Variants in LAMA1 observed in about 807,000 individuals in gnomAD.
LAMA1 encodes laminin subunit alpha 1.
LAMA1 carries 219 observed loss-of-function variants against 348.7 expected under a neutral mutation model. The ratio of observed to expected loss-of-function variants is 0.63; its 90% CI spans 0.56 to 0.70. The LOEUF (loss-of-function observed/expected upper bound fraction) is 0.70, where lower values mean the gene tolerates loss of function less well. Among genes scored for constraint, LAMA1 ranks in the 30% least tolerant of loss-of-function variants. The pLI, the probability that LAMA1 is intolerant of heterozygous loss-of-function variation, is 0.00. For missense variants in LAMA1, 3,744 were observed against 3,888.0 expected (o/e 0.96, Z 0.99); for synonymous variants, 1,487 against 1,491.0 (o/e 1.00, Z 0.06).
chr18:7,009,698 A>G (rs2057850546), intron 26 of LAMA1, among the ~76,000 whole-genome samples: 1 of 152,230 alleles, frequency 6.6e-6, no homozygotes, highest in African/African-American at 2.4e-5. Flanking sequence ...TAGTACGCCA[A>G]GATAAAGAAT....
At chr18:7,040,642 A>G (rs889232830) in intron 9 of LAMA1, among the ~76,000 whole-genome samples, 2 of 152,226 alleles carry the variant, frequency 1.3e-5, no homozygotes, top group East Asian at 1.9e-4. Flanking sequence ...AGATCCAGCA[A>G]CTGCACTCCT....
At chr18:7,048,850 G>A (rs1279095119) in intron 5 of LAMA1, among the ~76,000 whole-genome samples, 1 of 152,078 alleles carries the variant, frequency 6.6e-6, no homozygotes, top group Non-Finnish European at 1.5e-5. Flanking sequence ...GGCACTATGG[G>A]GACGGGGTGG....
At chr18:7,037,925 T>C (rs921552474) in intron 11 of LAMA1, among the ~76,000 whole-genome samples, 174 bp from the exon 12 acceptor site, 1 of 152,026 alleles carries the variant, frequency 6.6e-6, no homozygotes, top group Non-Finnish European at 1.5e-5. Flanking sequence ...CTTCCACTTG[T>C]AAAGGACCAG....
Position 7,007,296 on chromosome 18 carries a change from A to T in LAMA1, c.4123-20T>A, listed in dbSNP as rs757473317. ...GCAGTCCTGAGGGGGTGCAAAAGGG[A>T]GGACAAAAAAGTCTGATTAATGAGT... On this transcript the variant is annotated intron_variant, in intron 28 of 62. Transcript: ENST00000389658. The T allele has an allele frequency of 2.6e-5, 42 of 1,609,944 alleles. No individual in the cohort carries two copies. The South Asian group carries it at 4.5e-4, about 17-fold the overall frequency.
At chr18:7,050,042 T>C (rs886734767) in intron 4 of LAMA1, among the ~76,000 whole-genome samples, 2 of 152,200 alleles carry the variant, frequency 1.3e-5, no homozygotes, top group Non-Finnish European at 2.9e-5. Flanking sequence ...ACAACTTCTC[T>C]GAAGCAAATT....
intron 42 of LAMA1, among the ~76,000 whole-genome samples, chr18:6,979,762 G>GCA (rs1356711651): frequency 0.02 from 2,984 of 151,794 alleles, 54 homozygotes; most frequent in Non-Finnish European, 0.031. Flanking sequence ...AGCCGGGGAC[G>GCA]GTGGCGGGCG....
chr18:6,977,865 T>C lies in LAMA1; in HGVS notation c.6207A>G (p.Arg2069=), dbSNP rs1226996585. The part of the protein sequence containing the change: ...DSTMATLLAG[R]KVKDVEIQAN... ...CTTGAATTTCCACGTCTTTGACTTTTCTTCCAGCCAACAGAGCTAACAAAT... is the reference window on the plus strand; with the variant it reads ...CTTGAATTTCCACGTCTTTGACTTTCCTTCCAGCCAACAGAGCTAACAAAT... The change falls in exon 44 of 63, where the codon AGA becomes AGG. Residue 2069 remains arginine, a synonymous_variant. Coordinates refer to ENST00000389658, the MANE Select transcript of LAMA1 (RefSeq NM_005559.4). 1.9e-6 allele frequency: 3 copies of C among 1,612,816 alleles called. No individual in the cohort carries two copies. Among genetic ancestry groups the C allele is most frequent in the African/African-American group, 2.7e-5 (2 of 74,934 alleles).
intron 13 of LAMA1, 39 bp downstream of exon 13, chr18:7,035,948 C>T (rs2057992495): frequency 1.3e-6 from 2 of 1,511,606 alleles, no homozygotes; most frequent in South Asian, 1.1e-5. Flanking sequence ...GCCCACTAAG[C>T]CCTAAGCTCT....
intron 40 of LAMA1, 99 bp from the exon 41 acceptor site, chr18:6,982,689 T>G: frequency 1.0e-6 from 1 of 992,254 alleles, no homozygotes; most frequent in Non-Finnish European, 1.6e-6. Context: ...CCCAGACACA[T>G]TCCCAGCAAG....
intron 16 of LAMA1, among the ~76,000 whole-genome samples, chr18:7,027,492 T>A (rs1457697039): frequency 6.6e-6 from 1 of 151,042 alleles, no homozygotes; most frequent in Non-Finnish European, 1.5e-5. Flanking sequence ...AATAAAGAGC[T>A]GGGTTTTTTT....
rs759361168 is a variant in LAMA1, at chr18:6,992,682, C to T, written c.5047G>A (p.Glu1683Lys). 1.4e-5 allele frequency: 22 copies of T among 1,613,564 alleles called. No homozygotes were observed. Among genetic ancestry groups the T allele is most frequent in the Non-Finnish European group, 1.8e-5 (21 of 1,179,434 alleles). ...GTAGAATTGGGTAGTAGGAAATCTT[C>T]ATCCAAAGTCTGATTTAAAGTTGTC... ...EKTTLNQTLD[E>K]DFLLPNSTLQ... The change falls in exon 36 of 63, where the codon GAA becomes AAA. Residue 1683 changes from glutamate to lysine, a missense_variant. By Grantham distance (56) the Glu-to-Lys change is moderately conservative. Coordinates refer to ENST00000389658, the MANE Select transcript of LAMA1 (RefSeq NM_005559.4).
chr18:7,093,801 A>G (rs927182399), intron 1 of LAMA1, among the ~76,000 whole-genome samples: 3 of 140,882 alleles, frequency 2.1e-5, no homozygotes, highest in African/African-American at 5.4e-5. Flanking sequence ...TTTTCAGACA[A>G]TCTCTCTCTG....
At position 6,997,760 on chromosome 18, in the gene LAMA1, AT is replaced by A. The variant is rs1317571816; in HGVS notation, c.4787del (p.Asn1596IlefsTer11). ...TACCTACCTGGAGATATTTAGTTGT[AT>A]TTTCCAGGTTTGACAAAATTCCATA... ...VPYGILSNLE[N>X]TTKYLQESLL... is the part of the protein sequence containing the mutation. On this transcript the variant is annotated frameshift_variant, in exon 33 of 63. Transcript: ENST00000389658. LOFTEE classifies it high-confidence loss of function. The A allele has an allele frequency of 6.2e-7, 1 of 1,613,872 alleles. No homozygotes were observed.
chr18:7,037,468 A>C, intron 12 of LAMA1, 110 bp downstream of exon 12: 1 of 1,225,606 alleles, frequency 8.2e-7, no homozygotes, highest in Non-Finnish European at 1.2e-6. Context: ...AATGCTGTCC[A>C]ACACTCAGGT....
intron 47 of LAMA1, 37 bp from the exon 48 acceptor site, chr18:6,972,018 A>G: frequency 6.2e-7 from 1 of 1,610,512 alleles, no homozygotes; most frequent in African/African-American, 1.3e-5. Context: ...ACCAATATAT[A>G]AGCTGACCAA....
intron 3 of LAMA1, among the ~76,000 whole-genome samples, chr18:7,063,087 C>T (rs1341736168): frequency 1.3e-5 from 2 of 152,220 alleles, no homozygotes; most frequent in African/African-American, 4.8e-5. Flanking sequence ...TATACATTTA[C>T]AACACCCAGA....
At chr18:6,976,588 A>ACAAT (rs751868026) in intron 44 of LAMA1, among the ~76,000 whole-genome samples, 1,509 of 148,302 alleles carry the variant, frequency 0.01, 22 homozygotes, top group African/African-American at 0.03. Flanking sequence ...CCTTGGGCTT[A>ACAAT]TATTTATTTA....
chr18:7,095,495 C>T (rs770347071), intron 1 of LAMA1, among the ~76,000 whole-genome samples: 6 of 152,218 alleles, frequency 3.9e-5, no homozygotes, highest in Admixed American at 1.3e-4. Flanking sequence ...CAGGAGCCCT[C>T]CCCTTCCTGT....
chr18:6,985,827 C>G (rs1246290323), intron 37 of LAMA1, among the ~76,000 whole-genome samples, 184 bp from the exon 38 acceptor site: 1 of 152,164 alleles, frequency 6.6e-6, no homozygotes, highest in African/African-American at 2.4e-5. Flanking sequence ...GGCATGATCT[C>G]GGCTCACTAC....
Sources: allele counts gnomAD v4.1 joint callset (sites outside exome capture counted in the v4.1 genomes callset), GRCh38; gene constraint gnomAD v4.1.1; transcripts MANE v1.5; gene names NCBI Gene and HGNC (gene_info 2026-07-23, HGNC 2026-07-21).